The following DLG2 variants were observed in gnomAD, a reference collection of about 807,000 sequenced individuals.
The protein encoded by DLG2 is disks large homolog 2.
In DLG2, 45 loss-of-function variants were observed where a neutral mutation model predicts 132.5. The ratio of observed to expected loss-of-function variants is 0.34; its 90% confidence interval spans 0.27 to 0.44. The LOEUF is 0.44. Among genes scored for constraint, DLG2 ranks in the 20% least tolerant of loss-of-function variants. DLG2 has a pLI of 1.00. For synonymous variants in DLG2, 424 were observed against 419.6 expected, an observed-to-expected ratio of 1.01 and a Z score of -0.13; for missense variants, 1,045 against 1,196.9, an observed-to-expected ratio of 0.87 and a Z score of 1.87.
chr11:83,842,640 A>C (rs183162331), intron 16 of DLG2, among the ~76,000 whole-genome samples: 3 of 150,868 alleles, frequency 2.0e-5, no homozygotes, highest in Admixed American at 6.6e-5. Flanking sequence ...CACGGTGAAA[A>C]CCCGTCTCTA....
intron 15 of DLG2, among the ~76,000 whole-genome samples, chr11:83,900,106 A>G (rs1031628414): frequency 6.6e-6 from 1 of 152,152 alleles, no homozygotes; most frequent in African/African-American, 2.4e-5. Flanking sequence ...GATTTGTGGA[A>G]CTTTGAACTT....
intron 11 of DLG2, among the ~76,000 whole-genome samples, chr11:84,030,319 T>C (rs1167532289): frequency 6.6e-6 from 1 of 152,138 alleles, no homozygotes; most frequent in Non-Finnish European, 1.5e-5. Flanking sequence ...TAAAATGGCA[T>C]CTTAAATATA....
chr11:83,708,817 C>T (rs963553363), intron 18 of DLG2, among the ~76,000 whole-genome samples: 1 of 152,046 alleles, frequency 6.6e-6, no homozygotes, highest in Non-Finnish European at 1.5e-5. Flanking sequence ...GATAGAAGAT[C>T]AATGCCCAAG....
At chr11:85,189,704 A>T (rs1189973160) in intron 4 of DLG2, among the ~76,000 whole-genome samples, 1 of 152,234 alleles carries the variant, frequency 6.6e-6, no homozygotes, top group Non-Finnish European at 1.5e-5. Flanking sequence ...TCAAAGACCC[A>T]TGTACCAAAA....
chr11:84,251,243 G>C lies in DLG2; in HGVS notation c.568C>G (p.Pro190Ala), dbSNP rs764279004. 17 of 1,580,356 alleles carry C rather than the reference G, an allele frequency of 1.1e-5. No individual in the cohort carries two copies. Among genetic ancestry groups the C allele is most frequent in the Non-Finnish European group, 1.1e-5 (13 of 1,166,316 alleles). The part of the protein sequence containing the change: ...IVNTDTLDTI[P>A]YVNGTEIEYE... ...GTAATGAAAAAGTTACTTACATAAG[G>C]AATTGTGTCCAAAGTATCTGTGTTG... The change falls in exon 8 of 28, where the codon CCT becomes GCT. Residue 190 changes from proline to alanine, a missense_variant. Physicochemically the swap from Pro to Ala is conservative, Grantham distance 27. Transcript: ENST00000376104.
chr11:85,119,110 C>T (rs1043889202), intron 5 of DLG2, among the ~76,000 whole-genome samples: 3 of 151,806 alleles, frequency 2.0e-5, no homozygotes, highest in Non-Finnish European at 2.9e-5. Context: ...AGAAAAAGTA[C>T]ATGAAAGCGC....
chr11:84,896,739 A>G (rs1381298860), intron 6 of DLG2, among the ~76,000 whole-genome samples: 1 of 152,032 alleles, frequency 6.6e-6, no homozygotes, highest in Non-Finnish European at 1.5e-5. Context: ...TTTGTGAGAA[A>G]GCAATACTAT....
At chr11:85,213,074 G>GA (rs1281727103) in intron 4 of DLG2, among the ~76,000 whole-genome samples, 4 of 152,036 alleles carry the variant, frequency 2.6e-5, no homozygotes, top group African/African-American at 9.7e-5. Flanking sequence ...ATAAAATGAA[G>GA]AAAGAGGGAA....
rs1326038433 is a variant in DLG2 at position 85,369,445 on chromosome 11, C to T, written c.41-84080G>A. Among the ~76,000 whole-genome samples, 5 of 152,058 alleles carry T rather than the reference C, an allele frequency of 3.3e-5. No individual in the cohort carries two copies. The South Asian group carries it at 8.3e-4, about 25-fold the overall frequency. On this transcript the variant is annotated intron_variant, in intron 3 of 27. Coordinates refer to ENST00000376104, the MANE Select transcript of DLG2 (RefSeq NM_001142699.3). Reference sequence around the variant, plus strand: ...GTTTTTTTTTTCTTCCCCTTCTCTACCCCGTCAGCAGTTAACCTTTAACTT... The same window carrying T: ...GTTTTTTTTTTCTTCCCCTTCTCTATCCCGTCAGCAGTTAACCTTTAACTT...
chr11:84,182,604 G>C (rs369629037), intron 8 of DLG2, among the ~76,000 whole-genome samples: 5 of 152,204 alleles, frequency 3.3e-5, no homozygotes, highest in African/African-American at 1.2e-4. Flanking sequence ...AGTAAAAGCA[G>C]TGTTTAGAGG....
chr11:83,737,542 G>A (rs975623354), intron 18 of DLG2, among the ~76,000 whole-genome samples: 4 of 151,994 alleles, frequency 2.6e-5, no homozygotes, highest in African/African-American at 9.7e-5. Flanking sequence ...AAATATATTC[G>A]GTGGCAAGGC....
At chr11:84,610,438 T>C (rs1294355998) in intron 6 of DLG2, among the ~76,000 whole-genome samples, 1 of 152,108 alleles carries the variant, frequency 6.6e-6, no homozygotes, top group Non-Finnish European at 1.5e-5. Context: ...ATCAATATAG[T>C]CATATCACCA....
chr11:83,580,682 C>T (rs1234132777), intron 19 of DLG2, among the ~76,000 whole-genome samples: 1 of 152,118 alleles, frequency 6.6e-6, no homozygotes, highest in Non-Finnish European at 1.5e-5. Flanking sequence ...CTCCTATCTC[C>T]AACTTTCAAC....
chr11:85,068,146 G>A (rs536480798), intron 6 of DLG2, among the ~76,000 whole-genome samples: 558 of 152,086 alleles, frequency 3.7e-3, no homozygotes, highest in Non-Finnish European at 5.5e-3. Flanking sequence ...TTGATGAGAT[G>A]TATCTCAAAA....
At chr11:84,573,140 C>T (rs1244814971) in intron 6 of DLG2, among the ~76,000 whole-genome samples, 1 of 152,038 alleles carries the variant, frequency 6.6e-6, no homozygotes, top group Non-Finnish European at 1.5e-5. Flanking sequence ...GATAAAAATG[C>T]CTGCAGTCTA....
At chr11:84,184,813 T>A (rs1230249830) in intron 8 of DLG2, among the ~76,000 whole-genome samples, 1 of 152,068 alleles carries the variant, frequency 6.6e-6, no homozygotes, top group Admixed American at 6.5e-5. Flanking sequence ...CCCAGCACCA[T>A]TTATTAAATA....
At position 84,205,953 on chromosome 11, in the gene DLG2, T is replaced by A. The variant is rs1013938477; in HGVS notation, c.574-42442A>T. ...AAACACCTAATAAAACTGATTTTTT[T>A]AAAGACAGATGGCATCAATTCCAAT... On this transcript the variant is annotated intron_variant, in intron 8 of 27. Coordinates refer to ENST00000376104, the MANE Select transcript of DLG2 (RefSeq NM_001142699.3). Among the ~76,000 whole-genome samples, 7 of 152,110 alleles carry A rather than the reference T, an allele frequency of 4.6e-5. No individual in the cohort carries two copies. The East Asian group carries it at 9.6e-4, about 21-fold the overall frequency.
chr11:85,486,317 C>T (rs2093427995), intron 3 of DLG2, among the ~76,000 whole-genome samples: 1 of 152,154 alleles, frequency 6.6e-6, no homozygotes, highest in South Asian at 2.1e-4. Context: ...AATGCTCTAA[C>T]TGAGAGGGGC....
chr11:84,559,758 A>AT (rs2099419893), intron 6 of DLG2, among the ~76,000 whole-genome samples: 2 of 152,024 alleles, frequency 1.3e-5, no homozygotes, highest in Non-Finnish European at 2.9e-5. Flanking sequence ...TGATCAATAC[A>AT]TTTTTTGCAT....
Sources: allele counts gnomAD v4.1 joint callset (sites outside exome capture counted in the v4.1 genomes callset), GRCh38; gene constraint gnomAD v4.1.1; transcripts MANE v1.5; gene names NCBI Gene and HGNC (gene_info 2026-07-23, HGNC 2026-07-21).